Variants in GAREM1 observed in about 807,000 individuals in gnomAD.
GAREM1 encodes the protein GRB2-associated and regulator of MAPK protein 1.
A neutral mutation model predicts 71.3 loss-of-function variants in GAREM1; 26 were observed. The observed-to-expected ratio is 0.36, with a 90% confidence interval of 0.27 to 0.51. The LOEUF is 0.51. Among genes scored for constraint, GAREM1 ranks in the 20% least tolerant of loss-of-function variants. GAREM1 has a pLI of 0.95. For synonymous variants in GAREM1, 440 were observed against 433.2 expected, an observed-to-expected ratio of 1.02 and a Z score of -0.20; for missense variants, 1,026 against 1,103.1, an observed-to-expected ratio of 0.93 and a Z score of 0.99.
intron 1 of GAREM1, among the ~76,000 whole-genome samples, chr18:32,418,244 T>TA (rs2048483186): frequency 6.6e-6 from 1 of 152,212 alleles, no homozygotes; most frequent in Non-Finnish European, 1.5e-5. Flanking sequence ...CCTTGTGAGA[T>TA]AGTCAAAATT....
chr18:32,419,470 C>G (rs775728608), intron 1 of GAREM1, among the ~76,000 whole-genome samples: 1 of 151,880 alleles, frequency 6.6e-6, no homozygotes, highest in Admixed American at 6.6e-5. Context: ...CTTCCTGCCA[C>G]GTGAGGATTC....
chr18:32,365,780 G>A (rs1246835384), intron 2 of GAREM1, among the ~76,000 whole-genome samples: 1 of 152,168 alleles, frequency 6.6e-6, no homozygotes, highest in Non-Finnish European at 1.5e-5. Context: ...GCTCATCTGA[G>A]AAGGAAAGCA....
intron 2 of GAREM1, among the ~76,000 whole-genome samples, chr18:32,372,667 A>G (rs912136075): frequency 6.6e-6 from 1 of 152,210 alleles, no homozygotes; most frequent in African/African-American, 2.4e-5. Context: ...AAAGAGCAAC[A>G]CACAAAGCTC....
intron 2 of GAREM1, among the ~76,000 whole-genome samples, chr18:32,382,511 G>A (rs757355503): frequency 6.6e-6 from 1 of 152,052 alleles, no homozygotes; most frequent in Non-Finnish European, 1.5e-5. Context: ...AGTGCCTGCT[G>A]GGTTGTCTGC....
At chr18:32,383,029 T>G (rs2048112506) in intron 2 of GAREM1, among the ~76,000 whole-genome samples, 1 of 152,210 alleles carries the variant, frequency 6.6e-6, no homozygotes, top group Non-Finnish European at 1.5e-5. Context: ...GTCTACTGCA[T>G]TTGGTTTACC....
chr18:32,310,529 C>T (rs1344372174), intron 2 of GAREM1, among the ~76,000 whole-genome samples: 2 of 152,118 alleles, frequency 1.3e-5, no homozygotes, highest in Non-Finnish European at 2.9e-5. Context: ...TGAAAATAAA[C>T]TGCATTCTTT....
rs767672114 is a variant in GAREM1, at chr18:32,287,703, A to G, written c.894T>C (p.Pro298=). ...TGAACTTGGGGACAGTCAAGTGCAAAGGAAAGTGCATGGGGAGGATCTTGT... is the reference window on the plus strand; with the variant it reads ...TGAACTTGGGGACAGTCAAGTGCAAGGGAAAGTGCATGGGGAGGATCTTGT... ...RNNKILPMHF[P]LHLTVPKFSL... The change falls in exon 4 of 6, where the codon CCT becomes CCC. Residue 298 remains proline, a synonymous_variant. Coordinates refer to ENST00000269209, the MANE Select transcript of GAREM1 (RefSeq NM_001242409.2). The surrounding 1 kb of genome is among the most constrained non-coding windows in gnomAD (Gnocchi z 5.9). 1 of 1,614,122 alleles carries G rather than the reference A, an allele frequency of 6.2e-7. No homozygotes were observed. The highest frequency in any genetic ancestry group is 8.5e-7 in the Non-Finnish European group (1 of 1,180,024).
chr18:32,417,923 C>T (rs538237119), intron 1 of GAREM1, among the ~76,000 whole-genome samples: 29 of 151,848 alleles, frequency 1.9e-4, no homozygotes, highest in African/African-American at 6.8e-4. Context: ...GAGGAGATAC[C>T]CAATTTTCCA....
chr18:32,286,809 T>C (rs2047022652), intron 4 of GAREM1, among the ~76,000 whole-genome samples: 1 of 152,188 alleles, frequency 6.6e-6, no homozygotes, highest in African/African-American at 2.4e-5. Context: ...TTTAAAACTC[T>C]CCTGTTAAAA....
At position 32,287,289 on chromosome 18, in the gene GAREM1, T is replaced by A. The variant is rs751074839; in HGVS notation, c.1308A>T (p.Pro436=). ...SGDSGSDYLF[P]EASEESAGIP... Reference sequence around the variant, plus strand: ...TGCCTGCTGATTCTTCACTAGCTTCTGGGAAAAGGTAGTCGCTCCCACTAT... The same window carrying A: ...TGCCTGCTGATTCTTCACTAGCTTCAGGGAAAAGGTAGTCGCTCCCACTAT... The change falls in exon 4 of 6, where the codon CCA becomes CCT. Residue 436 remains proline (P), a synonymous_variant. Transcript: ENST00000269209. This position sits in a 1 kb window ranked among gnomAD's most constrained non-coding sequence, Gnocchi z 5.9. 9.9e-6 allele frequency: 16 copies of A among 1,614,198 alleles called. No homozygotes were observed. The highest frequency in any genetic ancestry group is 1.4e-5 in the Non-Finnish European group (16 of 1,180,040).
chr18:32,364,026 A>ATATATATATTTTTTTTTTTTT (rs1336753011), intron 2 of GAREM1, among the ~76,000 whole-genome samples: 1 of 46,418 alleles, frequency 2.2e-5, no homozygotes, highest in African/African-American at 1.6e-4. Context: ...ATATATATAT[A>ATATATATATTTTTTTTTTTTT]TGTTTTTTTT....
chr18:32,319,790 AC>A (rs1567963128), intron 2 of GAREM1, among the ~76,000 whole-genome samples: 1 of 152,222 alleles, frequency 6.6e-6, no homozygotes. Context: ...GCTTTTCAAA[AC>A]AAATGGTTGC....
intron 1 of GAREM1, among the ~76,000 whole-genome samples, chr18:32,441,986 A>G (rs1233869965): frequency 6.7e-6 from 1 of 149,772 alleles, no homozygotes; most frequent in Non-Finnish European, 1.5e-5. Flanking sequence ...AGGCAGGTGC[A>G]AATTGTAATT....
chr18:32,463,301 T>C (rs753209203), intron 1 of GAREM1, among the ~76,000 whole-genome samples: 1 of 151,060 alleles, frequency 6.6e-6, no homozygotes, highest in Non-Finnish European at 1.5e-5. Flanking sequence ...CCTTTCTAAA[T>C]GGATATTACA....
Position 32,323,544 on chromosome 18 carries a change from G to T in GAREM1, c.263-13221C>A, listed in dbSNP as rs1349910988. Reference sequence around the variant, plus strand: ...AGTTCGAGACCAGCCTGGCCAACATGGTGTGCTTAGCCAACTTAGCCAAGT... The same window carrying T: ...AGTTCGAGACCAGCCTGGCCAACATTGTGTGCTTAGCCAACTTAGCCAAGT... On this transcript the variant is annotated intron_variant, in intron 2 of 5. Transcript: ENST00000269209. Among the ~76,000 whole-genome samples, 3 of 152,080 alleles carry T rather than the reference G, an allele frequency of 2.0e-5. No individual in the cohort carries two copies. The East Asian group carries it at 5.8e-4, about 29-fold the overall frequency.
At chr18:32,441,254 A>ATT (rs1345609633) in intron 1 of GAREM1, among the ~76,000 whole-genome samples, 7 of 151,982 alleles carry the variant, frequency 4.6e-5, no homozygotes, top group Non-Finnish European at 8.8e-5. Context: ...ATACTTAACA[A>ATT]TTTTTTTTAA....
intron 1 of GAREM1, among the ~76,000 whole-genome samples, chr18:32,409,593 A>C (rs1431187178): frequency 6.6e-6 from 1 of 152,196 alleles, no homozygotes; most frequent in Non-Finnish European, 1.5e-5. Context: ...TTAGGGATAT[A>C]TTATTACCTC....
At position 32,276,276 on chromosome 18, in the gene GAREM1, G is replaced by A. The variant is rs891782056; in HGVS notation, c.1567-5893C>T. The stretch of plus-strand genomic sequence containing the variant: ...GTCTGTCCTGGGGGCTGATGGCCGG[G>A]ATCACAAGCATCGACTTCCACCATC... On this transcript the variant is annotated intron_variant, in intron 4 of 5. Coordinates refer to ENST00000269209, the MANE Select transcript of GAREM1 (RefSeq NM_001242409.2). Among the ~76,000 whole-genome samples the A allele has an allele frequency of 2.6e-4, 39 of 152,214 alleles. 1 individual carries two copies. The highest frequency in any genetic ancestry group is 4.4e-5 in the Non-Finnish European group (3 of 68,042).
intron 2 of GAREM1, among the ~76,000 whole-genome samples, chr18:32,345,500 C>A (rs2047686977): frequency 2.0e-5 from 3 of 152,118 alleles, no homozygotes; most frequent in Admixed American, 2.0e-4. Context: ...TGAACCTGCA[C>A]CAAGTTCTTC....
Sources: gnomAD v4.1 joint callset for allele counts (sites outside exome capture counted in the v4.1 genomes callset) on GRCh38, gnomAD v4.1.1 for gene constraint, Gnocchi (gnomAD v3.1) non-coding constraint, MANE v1.5 for transcripts, NCBI Gene and HGNC (gene_info 2026-07-23, HGNC 2026-07-21) for gene names.